Variants in CSMD1 observed in about 807,000 individuals in gnomAD.
CSMD1 encodes the protein CUB and Sushi multiple domains 1, also known as CUB and sushi domain-containing protein 1.
In CSMD1, 213 loss-of-function variants were observed where a neutral mutation model predicts 417.5. The ratio of observed to expected loss-of-function variants is 0.51; its 90% CI spans 0.46 to 0.57. The LOEUF is 0.57. Ranked by LOEUF, CSMD1 falls within the 20% of genes least tolerant of loss-of-function variation. CSMD1 has a pLI of 0.00. For synonymous variants in CSMD1, 2,862 were observed against 1,736.8 expected (o/e 1.65, Z -16.11); for missense variants, 6,923 against 4,529.7 (o/e 1.53, Z -15.17).
chr8:3,885,550 T>C (rs1226679331), intron 5 of CSMD1, among the ~76,000 whole-genome samples: 2 of 152,184 alleles, frequency 1.3e-5, no homozygotes, highest in African/African-American at 2.4e-5. Flanking sequence ...AAAAGAACTG[T>C]TGCTCCACCT....
intron 37 of CSMD1, among the ~76,000 whole-genome samples, chr8:3,179,751 A>G (rs1202513135): frequency 1.3e-5 from 2 of 152,342 alleles, no homozygotes; most frequent in East Asian, 3.9e-4. Flanking sequence ...ATGTTTTTCT[A>G]TCTACAGAGA....
intron 2 of CSMD1, among the ~76,000 whole-genome samples, chr8:4,460,586 G>A (rs957384057): frequency 1.3e-5 from 2 of 150,434 alleles, no homozygotes; most frequent in African/African-American, 2.5e-5. Flanking sequence ...AAGAAATAAA[G>A]AAGTCTCAAA....
chr8:4,927,383 G>C (rs1193093040), intron 1 of CSMD1, among the ~76,000 whole-genome samples: 1 of 152,002 alleles, frequency 6.6e-6, no homozygotes, highest in Non-Finnish European at 1.5e-5. Flanking sequence ...TCTAATCTTA[G>C]TATAAATCCC....
intron 23 of CSMD1, among the ~76,000 whole-genome samples, chr8:3,309,777 C>G (rs1403933051): frequency 6.6e-6 from 1 of 152,114 alleles, no homozygotes; most frequent in African/African-American, 2.4e-5. Flanking sequence ...TCTGAGATGC[C>G]CTTCCATTGA....
chr8:3,518,514 G>T (rs985808832), intron 10 of CSMD1, among the ~76,000 whole-genome samples: 6 of 152,268 alleles, frequency 3.9e-5, no homozygotes, highest in African/African-American at 1.4e-4. Flanking sequence ...TCAGAAAAAT[G>T]ACTAAAATGA....
intron 3 of CSMD1, among the ~76,000 whole-genome samples, chr8:4,215,645 A>G (rs1351352358): frequency 6.6e-6 from 1 of 152,226 alleles, no homozygotes; most frequent in Admixed American, 6.5e-5. Context: ...TCATACAAGA[A>G]TTGAAAATAA....
intron 2 of CSMD1, among the ~76,000 whole-genome samples, chr8:4,425,526 G>T (rs1249768342): frequency 6.6e-6 from 1 of 152,062 alleles, no homozygotes; most frequent in Non-Finnish European, 1.5e-5. Flanking sequence ...TGCGAGTAAG[G>T]AATCTTATAA....
chr8:3,181,124 T>C lies in CSMD1; in HGVS notation c.5711A>G (p.His1904Arg), dbSNP rs774441100. The change falls in exon 37 of 70, where the codon CAC (histidine) becomes CGC (arginine). Residue 1904 changes from histidine to arginine, a missense_variant. By Grantham distance (29) the His-to-Arg change is conservative. Transcript: ENST00000635120. ...GTTGACCTTACTTTTGTATTCCAGG[T>C]GGAAACCAGCAGCTGCCACACTAAT... is the stretch of plus-strand genomic sequence containing the variant. Reference protein sequence around the residue: ...SDISVAAAGFHLEYKTVGLAA... With the variant: ...SDISVAAAGFRLEYKTVGLAA... 5 of 1,613,084 alleles carry C rather than the reference T, an allele frequency of 3.1e-6. No individual in the cohort carries two copies. In the African/African-American group the frequency reaches 5.3e-5, roughly 17 times the overall value.
intron 3 of CSMD1, among the ~76,000 whole-genome samples, chr8:4,134,939 T>G (rs938918635): frequency 3.9e-5 from 6 of 152,208 alleles, no homozygotes; most frequent in African/African-American, 1.4e-4. Flanking sequence ...ATCTCATTCC[T>G]CAACCAACAC....
At chr8:3,354,232 C>T (rs185539246) in intron 21 of CSMD1, among the ~76,000 whole-genome samples, 26 of 152,220 alleles carry the variant, frequency 1.7e-4, no homozygotes, top group Non-Finnish European at 2.8e-4. Context: ...GCAACTTGTC[C>T]ACCTAAATAA....
chr8:3,302,540 C>T (rs1041020149), intron 25 of CSMD1, among the ~76,000 whole-genome samples: 2 of 152,178 alleles, frequency 1.3e-5, no homozygotes, highest in African/African-American at 4.8e-5. Context: ...CTGGGCAATT[C>T]CTTCTTTGCA....
intron 57 of CSMD1, among the ~76,000 whole-genome samples, chr8:2,972,331 G>A (rs1804530803): frequency 6.6e-6 from 1 of 152,164 alleles, no homozygotes; most frequent in Non-Finnish European, 1.5e-5. Flanking sequence ...GTTGGAAAGT[G>A]TTTCATACAT....
At chr8:3,644,261 C>G (rs963404162) in intron 7 of CSMD1, among the ~76,000 whole-genome samples, 2 of 152,164 alleles carry the variant, frequency 1.3e-5, no homozygotes, top group Non-Finnish European at 2.9e-5. Context: ...AGTTGAGAAC[C>G]ATTGCTGTTA....
intron 2 of CSMD1, among the ~76,000 whole-genome samples, chr8:4,433,364 A>G (rs1797977114): frequency 6.6e-6 from 1 of 152,166 alleles, no homozygotes; most frequent in Non-Finnish European, 1.5e-5. Flanking sequence ...TACAACTCAT[A>G]ATATCATGGA....
intron 26 of CSMD1, among the ~76,000 whole-genome samples, chr8:3,249,436 C>T (rs879923084): frequency 6.6e-6 from 1 of 152,168 alleles, no homozygotes; most frequent in Admixed American, 6.5e-5. Flanking sequence ...GTTGGCCAGG[C>T]TGGCCTTGAA....
chr8:3,556,266 C>A (rs1375711346), intron 10 of CSMD1, among the ~76,000 whole-genome samples: 1 of 151,098 alleles, frequency 6.6e-6, no homozygotes, highest in Non-Finnish European at 1.5e-5. Flanking sequence ...CCATTAACCA[C>A]CCTCACCTCC....
chr8:4,882,325 C>T (rs1015888905), intron 1 of CSMD1, among the ~76,000 whole-genome samples: 2 of 151,710 alleles, frequency 1.3e-5, no homozygotes, highest in African/African-American at 4.9e-5. Context: ...AACGACCTCT[C>T]CTGACATGTC....
intron 69 of CSMD1, among the ~76,000 whole-genome samples, chr8:2,942,215 G>A (rs1361112640): frequency 6.6e-6 from 1 of 152,016 alleles, no homozygotes; most frequent in Non-Finnish European, 1.5e-5. Flanking sequence ...AACAGCTGAT[G>A]GGTGCTGGGC....
intron 5 of CSMD1, among the ~76,000 whole-genome samples, chr8:3,866,608 C>G (rs1341190843): frequency 6.6e-6 from 1 of 152,128 alleles, no homozygotes; most frequent in Admixed American, 6.5e-5. Flanking sequence ...TCTCTTCTTT[C>G]CATCCCTCAA....
Sources: gnomAD v4.1 joint callset for allele counts (sites outside exome capture counted in the v4.1 genomes callset) on GRCh38, gnomAD v4.1.1 for gene constraint, MANE v1.5 for transcripts, NCBI Gene and HGNC (gene_info 2026-07-23, HGNC 2026-07-21) for gene names.